PCDHGA6: variants seen among roughly 807,000 people sequenced by gnomAD.
PCDHGA6 encodes protocadherin gamma subfamily A, 6.
A neutral mutation model predicts 60.6 loss-of-function variants in PCDHGA6; 41 were observed. The observed-to-expected ratio is 0.68, with a 90% confidence interval of 0.53 to 0.88. The LOEUF (loss-of-function observed/expected upper bound fraction) is 0.88, where lower values mean the gene tolerates loss of function less well. PCDHGA6 is among the 40% of genes least tolerant of loss of function. The pLI is 0.00. For synonymous variants in PCDHGA6, 594 were observed against 524.4 expected (o/e 1.13, Z -1.81); for missense variants, 1,312 against 1,203.0 (o/e 1.09, Z -1.34).
intron 1 of PCDHGA6, chr5:141,383,482 G>T (rs908975143): frequency 6.2e-7 from 1 of 1,613,500 alleles, no homozygotes; most frequent in Non-Finnish European, 8.5e-7. Context: ...CCCGGAACTG[G>T]TGCTGGAGCG....
In PCDHGA6 at chr5:141,405,021, C is replaced by T. The variant is rs188043964; in HGVS notation, c.2424+28514C>T. The T allele has an allele frequency of 2.9e-5, 46 of 1,613,980 alleles. No homozygotes were observed. Among genetic ancestry groups the T allele is most frequent in the Non-Finnish European group, 3.7e-5 (44 of 1,179,862 alleles). On this transcript the variant is annotated intron_variant, in intron 1 of 3. Coordinates refer to ENST00000517434, the MANE Select transcript of PCDHGA6 (RefSeq NM_018919.3). ...GCAGACCTGGAGGCCTCAGACCTTA[C>T]CCTCTACCTCGTTGTGGCTGTGGCA...
intron 1 of PCDHGA6, chr5:141,394,379 T>G: frequency 6.2e-7 from 1 of 1,614,160 alleles, no homozygotes; most frequent in Non-Finnish European, 8.5e-7. Context: ...CTTTCGACTA[T>G]GAGCAGATCC....
At chr5:141,407,622 A>G (rs2094961891) in intron 1 of PCDHGA6, among the ~76,000 whole-genome samples, 3 of 152,316 alleles carry the variant, frequency 2.0e-5, no homozygotes, top group South Asian at 2.1e-4. Context: ...TTGACATTCT[A>G]TATCTCGTAT....
chr5:141,394,918 G>A, intron 1 of PCDHGA6: 1 of 1,613,812 alleles, frequency 6.2e-7, no homozygotes, highest in Non-Finnish European at 8.5e-7. Context: ...GCCATCTCCT[G>A]TGTCTTCCTC....
In PCDHGA6 at chr5:141,376,138, C is replaced by G. The variant is rs1234340396; in HGVS notation, c.2055C>G (p.Asn685Lys). Residue 685 changes from asparagine to lysine, a missense_variant, in exon 1 of 4, where the codon AAC becomes AAG. Physicochemically the swap from Asn to Lys is moderately conservative, Grantham distance 94 (BLOSUM62 0). Transcript: ENST00000517434. ...LGSLEPSAKP[N>K]DSDLTLYLVV... is the part of the protein sequence containing the mutation. ...GCCTCGAGCCCTCCGCCAAACCCAA[C>G]GATTCGGACCTCACTCTGTACCTGG... 1.2e-6 allele frequency: 2 copies of G among 1,613,948 alleles called. No homozygotes were observed. The highest frequency in any genetic ancestry group is 2.2e-5 in the South Asian group (2 of 91,052).
intron 1 of PCDHGA6, among the ~76,000 whole-genome samples, chr5:141,488,463 C>T (rs926068842): frequency 6.6e-6 from 1 of 152,164 alleles, no homozygotes; most frequent in African/African-American, 2.4e-5. Flanking sequence ...GATTCAGCCC[C>T]AGAAATGTTC....
chr5:141,435,910 G>T (rs1296707748), intron 1 of PCDHGA6, among the ~76,000 whole-genome samples: 2 of 152,112 alleles, frequency 1.3e-5, no homozygotes, highest in Non-Finnish European at 2.9e-5. Flanking sequence ...ACATCCAAGG[G>T]CTCTAAAATG....
intron 3 of PCDHGA6, among the ~76,000 whole-genome samples, chr5:141,507,590 T>C (rs531629336): frequency 1.3e-5 from 2 of 152,374 alleles, no homozygotes; most frequent in African/African-American, 4.8e-5. Context: ...AGTTGGCCTC[T>C]TGAGGGAAAT....
chr5:141,493,440 G>A lies in PCDHGA6; in HGVS notation c.2425-1367G>A, dbSNP rs2099748297. The stretch of plus-strand genomic sequence containing the variant: ...TTTTGCTTCTGCTGGGATGGGGCAA[G>A]GGTGGGGTTCCTTCCCTTTTAGGAC... On this transcript the variant is annotated intron_variant, in intron 1 of 3. Coordinates refer to ENST00000517434, the MANE Select transcript of PCDHGA6 (RefSeq NM_018919.3). The surrounding 1 kb of genome is among the most constrained non-coding windows in gnomAD (Gnocchi z 4.3). Among the ~76,000 whole-genome samples, 1 of 152,208 alleles carries A rather than the reference G, an allele frequency of 6.6e-6. No homozygotes were observed. Among genetic ancestry groups the A allele is most frequent in the African/African-American group, 2.4e-5 (1 of 41,450 alleles).
intron 1 of PCDHGA6, among the ~76,000 whole-genome samples, chr5:141,494,135 GTCAC>G (rs1365926534): frequency 3.3e-5 from 5 of 152,202 alleles, no homozygotes; most frequent in Admixed American, 6.5e-5. Flanking sequence ...CTTCTCCTTA[GTCAC>G]AGACCATTGT....
intron 1 of PCDHGA6, chr5:141,478,160 GC>G (rs764598056): frequency 1.9e-6 from 3 of 1,613,964 alleles, no homozygotes; most frequent in Non-Finnish European, 2.5e-6. Flanking sequence ...CTCTGGCTCT[GC>G]CCCCCGGGAG....
chr5:141,383,860 G>C lies in PCDHGA6; in HGVS notation c.2424+7353G>C, dbSNP rs772168555. On this transcript the variant is annotated intron_variant, in intron 1 of 3. Coordinates refer to ENST00000517434, the MANE Select transcript of PCDHGA6 (RefSeq NM_018919.3). ...TGCCTTCTATGAAATGGAGGTTCAG[G>C]CTCAAGATGGTCCTGGTAGTCTGAC... 6 of 1,613,808 alleles carry C rather than the reference G, an allele frequency of 3.7e-6. No homozygotes were observed. The Admixed American group carries it at 8.3e-5, about 22-fold the overall frequency.
intron 1 of PCDHGA6, chr5:141,382,874 G>A (rs369372304): frequency 1.6e-5 from 24 of 1,523,072 alleles, no homozygotes; most frequent in Non-Finnish European, 1.8e-6. Context: ...CGAGATCGGC[G>A]CCTAAGCAAG....
intron 1 of PCDHGA6, chr5:141,433,069 C>T (rs561950316): frequency 2.5e-6 from 4 of 1,614,080 alleles, no homozygotes; most frequent in African/African-American, 1.3e-5. Context: ...ACCTGATCTT[C>T]CCCCAGCCCA....
In PCDHGA6 at chr5:141,476,299, C is replaced by T; in HGVS notation, c.2425-18508C>T. ...ACCTTGGTTTGGATCTCGGTAGCCT[C>T]TCAGCCCGCAGGTTCCGGGTGGTGT... On this transcript the variant is annotated intron_variant, in intron 1 of 3. Transcript: ENST00000517434. The surrounding 1 kb of genome is among the most constrained non-coding windows in gnomAD (Gnocchi z 7.6). The T allele has an allele frequency of 6.2e-7, 1 of 1,614,100 alleles. No individual in the cohort carries two copies. The highest frequency in any genetic ancestry group is 1.1e-5 in the South Asian group (1 of 91,074).
intron 1 of PCDHGA6, among the ~76,000 whole-genome samples, chr5:141,458,726 C>T (rs1301761231): frequency 1.3e-5 from 2 of 151,992 alleles, no homozygotes; most frequent in African/African-American, 4.8e-5. Flanking sequence ...TTCGCCACCA[C>T]ATCCAGCTAT....
intron 1 of PCDHGA6, among the ~76,000 whole-genome samples, chr5:141,434,982 A>G (rs908716553): frequency 3.3e-5 from 5 of 152,084 alleles, no homozygotes; most frequent in East Asian, 1.9e-4. Flanking sequence ...TTAATACTCT[A>G]TATCATTTTC....
In PCDHGA6 at chr5:141,511,261, G is replaced by A; in HGVS notation, c.*88G>A. On this transcript the variant is annotated 3_prime_UTR_variant, in exon 4 of 4. Transcript: ENST00000517434. The stretch of plus-strand genomic sequence containing the variant: ...CTGCACCCAGGCCTCAGAGTTTCAG[G>A]GCTAACCCCCAGAATACTGGTAGGG... 2 of 1,557,474 alleles carry A rather than the reference G, an allele frequency of 1.3e-6. No homozygotes were observed. The highest frequency in any genetic ancestry group is 1.4e-5 in the African/African-American group (1 of 73,440).
chr5:141,447,849 G>A (rs2154561912), intron 1 of PCDHGA6, among the ~76,000 whole-genome samples: 1 of 152,306 alleles, frequency 6.6e-6, no homozygotes, highest in East Asian at 1.9e-4. Context: ...GCTTTGGGAG[G>A]CCGAGGTGGG....
Sources: gnomAD v4.1 joint callset for allele counts (sites outside exome capture counted in the v4.1 genomes callset) on GRCh38, gnomAD v4.1.1 for gene constraint, Gnocchi (gnomAD v3.1) non-coding constraint, MANE v1.5 for transcripts, NCBI Gene and HGNC (gene_info 2026-07-23, HGNC 2026-07-21) for gene names.